Variants in CADM2 observed in about 807,000 individuals in gnomAD.
CADM2 encodes immunoglobulin superfamily member 4D.
In CADM2, 12 loss-of-function variants were observed where a neutral mutation model predicts 49.8. The observed-to-expected ratio is 0.24, with a 90% CI of 0.15 to 0.39. CADM2 has a LOEUF of 0.39. Ranked by LOEUF, CADM2 falls within the 10% of genes least tolerant of loss-of-function variation. The pLI is 1.00. For synonymous variants in CADM2, 214 were observed against 175.4 expected, an observed-to-expected ratio of 1.22 and a Z score of -1.74; for missense variants, 378 against 492.3, an observed-to-expected ratio of 0.77 and a Z score of 2.20.
At chr3:85,255,978 G>A (rs575817186) in intron 1 of CADM2, among the ~76,000 whole-genome samples, 5 of 151,842 alleles carry the variant, frequency 3.3e-5, no homozygotes, top group African/African-American at 1.2e-4. Context: ...TGAATTGCAC[G>A]AGCCTGTTAT....
intron 1 of CADM2, among the ~76,000 whole-genome samples, chr3:85,170,578 C>T (rs2040597474): frequency 1.3e-5 from 2 of 152,108 alleles, no homozygotes; most frequent in Non-Finnish European, 2.9e-5. Flanking sequence ...CCTCAAGCTT[C>T]CGTCTCCATC....
intron 1 of CADM2, among the ~76,000 whole-genome samples, chr3:85,395,100 C>T (rs2034706773): frequency 6.6e-6 from 1 of 151,204 alleles, no homozygotes; most frequent in Non-Finnish European, 1.5e-5. Flanking sequence ...GCCTGGGATA[C>T]ATAGGGAGAC....
intron 1 of CADM2, among the ~76,000 whole-genome samples, chr3:85,152,869 C>T (rs1285620497): frequency 6.6e-6 from 1 of 150,612 alleles, no homozygotes; most frequent in African/African-American, 2.4e-5. Context: ...GGAGGCTGAG[C>T]AGGAGAATGG....
intron 1 of CADM2, among the ~76,000 whole-genome samples, chr3:85,669,443 A>G (rs1559581989): frequency 1.3e-5 from 2 of 152,158 alleles, no homozygotes; most frequent in Admixed American, 1.3e-4. Context: ...TGACACTACA[A>G]TGCATAGATA....
At chr3:85,825,094 G>A (rs72908561) in intron 3 of CADM2, among the ~76,000 whole-genome samples, 5,606 of 152,048 alleles carry the variant, frequency 0.037, 319 homozygotes, top group African/African-American at 0.13. Context: ...ATAATAATAT[G>A]CATACACAAA....
chr3:84,991,854 A>G (rs1296328309), intron 1 of CADM2, among the ~76,000 whole-genome samples: 2 of 152,178 alleles, frequency 1.3e-5, no homozygotes, highest in African/African-American at 4.8e-5. Context: ...GGAGATATGG[A>G]AGGAACTTAA....
chr3:86,063,067 ATACCCT>A (rs1387065195), intron 8 of CADM2, among the ~76,000 whole-genome samples: 1 of 152,148 alleles, frequency 6.6e-6, no homozygotes, highest in Non-Finnish European at 1.5e-5. Flanking sequence ...CTGCCCCAAT[ATACCCT>A]TCTGATCACC....
chr3:85,866,959 A>G (rs1485829076), intron 3 of CADM2, among the ~76,000 whole-genome samples: 1 of 152,120 alleles, frequency 6.6e-6, no homozygotes, highest in East Asian at 1.9e-4. Context: ...TTTTAACAGG[A>G]TAAGTTCTAG....
intron 1 of CADM2, among the ~76,000 whole-genome samples, chr3:85,338,409 G>C (rs1167209877): frequency 6.6e-6 from 1 of 151,504 alleles, no homozygotes; most frequent in African/African-American, 2.4e-5. Context: ...TAACCACTAT[G>C]TTAGTGGGAC....
Position 84,967,592 on chromosome 3 carries a change from A to G in CADM2, c.61+7924A>G, listed in dbSNP as rs574800096. 2.0e-5 allele frequency among the ~76,000 whole-genome samples: 3 copies of G among 152,264 alleles called. No homozygotes were observed. In the South Asian group the frequency reaches 6.2e-4, roughly 32 times the overall value. ...TCTCTATTTTATGTGCTGAAGTCCG[A>G]ATAGTAACTCGGCTTCCTTTATACT... is the stretch of plus-strand genomic sequence containing the variant. On this transcript the variant is annotated intron_variant, in intron 1 of 9. Transcript: ENST00000383699.
At chr3:86,066,570 A>G in intron 9 of CADM2, 95 bp from the exon 10 acceptor site, 1 of 930,466 alleles carries the variant, frequency 1.1e-6, no homozygotes, top group Non-Finnish European at 1.7e-6. Flanking sequence ...GGTCTCAAAA[A>G]TCTGGCAAAA....
intron 8 of CADM2, among the ~76,000 whole-genome samples, chr3:85,966,304 C>T (rs1016715468): frequency 6.6e-5 from 10 of 151,710 alleles, no homozygotes; most frequent in African/African-American, 2.4e-4. Flanking sequence ...CATGTTGTCT[C>T]ACAGTTATAG....
At chr3:84,984,718 A>G (rs2032448688) in intron 1 of CADM2, among the ~76,000 whole-genome samples, 1 of 152,186 alleles carries the variant, frequency 6.6e-6, no homozygotes, top group Non-Finnish European at 1.5e-5. Context: ...AGACATTCTC[A>G]TTCTGAAACC....
chr3:85,582,283 A>G (rs951240620), intron 1 of CADM2, among the ~76,000 whole-genome samples: 1 of 152,180 alleles, frequency 6.6e-6, no homozygotes, highest in Non-Finnish European at 1.5e-5. Context: ...ATAAATCCCA[A>G]TAAAATATAA....
At chr3:85,446,268 G>C (rs1025141016) in intron 1 of CADM2, among the ~76,000 whole-genome samples, 1 of 152,106 alleles carries the variant, frequency 6.6e-6, no homozygotes, top group African/African-American at 2.4e-5. Context: ...GGTGTAATCT[G>C]AGCCTGGGTA....
chr3:86,043,433 A>G (rs1736218425), intron 8 of CADM2, among the ~76,000 whole-genome samples: 1 of 152,118 alleles, frequency 6.6e-6, no homozygotes, highest in East Asian at 1.9e-4. Context: ...TTATACACCA[A>G]TAGCAAACAG....
intron 1 of CADM2, among the ~76,000 whole-genome samples, chr3:85,162,812 C>G (rs773897046): frequency 2.0e-5 from 3 of 151,766 alleles, no homozygotes; most frequent in Non-Finnish European, 4.4e-5. Context: ...AGAATTTATT[C>G]TTATATAAAC....
At chr3:85,309,528 G>A (rs1456552399) in intron 1 of CADM2, among the ~76,000 whole-genome samples, 2 of 152,056 alleles carry the variant, frequency 1.3e-5, no homozygotes, top group African/African-American at 2.4e-5. Flanking sequence ...AAGTTAATTA[G>A]CACAGGACCT....
At chr3:85,809,041 C>T (rs1261211823) in intron 3 of CADM2, among the ~76,000 whole-genome samples, 1 of 152,138 alleles carries the variant, frequency 6.6e-6, no homozygotes, top group African/African-American at 2.4e-5. Context: ...ACAGGTGTTG[C>T]ATTTGGCTAC....
Sources: allele counts gnomAD v4.1 joint callset (sites outside exome capture counted in the v4.1 genomes callset), GRCh38; gene constraint gnomAD v4.1.1; transcripts MANE v1.5; gene names NCBI Gene and HGNC (gene_info 2026-07-23, HGNC 2026-07-21).